Variants in WDR7 observed in about 807,000 individuals in gnomAD.
WDR7 encodes WD repeat-containing protein 7.
WDR7 carries 46 observed loss-of-function variants against 169.4 expected under a neutral mutation model. That is an observed-to-expected ratio of 0.27 (90% CI 0.21 to 0.35). WDR7 has a LOEUF of 0.35. Among genes scored for constraint, WDR7 ranks in the 10% least tolerant of loss-of-function variants. The pLI is 1.00. For synonymous variants in WDR7, 612 were observed against 666.8 expected (o/e 0.92, Z 1.27); for missense variants, 1,534 against 1,859.3 (o/e 0.83, Z 3.22).
At chr18:56,877,274 G>C (rs565470818) in intron 20 of WDR7, among the ~76,000 whole-genome samples, 1 of 151,950 alleles carries the variant, frequency 6.6e-6, no homozygotes, top group Non-Finnish European at 1.5e-5. Context: ...AATGACTCAA[G>C]AAGAAGAAAG....
intron 20 of WDR7, among the ~76,000 whole-genome samples, chr18:56,847,352 G>A (rs1276373260): frequency 1.3e-5 from 2 of 152,208 alleles, no homozygotes; most frequent in African/African-American, 4.8e-5. Context: ...CTAACAGCCT[G>A]TGATTAGATT....
chr18:56,903,811 T>A (rs147647076), intron 21 of WDR7, among the ~76,000 whole-genome samples: 55 of 152,310 alleles, frequency 3.6e-4, no homozygotes, highest in African/African-American at 1.2e-3. Context: ...GCCATCTCAC[T>A]GGTGATAAGC....
chr18:56,925,918 C>T (rs995059093), intron 22 of WDR7, among the ~76,000 whole-genome samples: 1 of 152,110 alleles, frequency 6.6e-6, no homozygotes, highest in Non-Finnish European at 1.5e-5. Flanking sequence ...CAAGTTGGGG[C>T]TAATTAAAGT....
At chr18:56,713,796 A>C (rs1052171571) in intron 12 of WDR7, among the ~76,000 whole-genome samples, 1 of 152,206 alleles carries the variant, frequency 6.6e-6, no homozygotes, top group Non-Finnish European at 1.5e-5. Flanking sequence ...AATTTAACTC[A>C]TTTGTGAAGA....
intron 23 of WDR7, among the ~76,000 whole-genome samples, chr18:56,936,516 T>TTTA (rs1445967474): frequency 6.6e-6 from 1 of 152,196 alleles, no homozygotes; most frequent in Non-Finnish European, 1.5e-5. Flanking sequence ...TTTTTAAAGG[T>TTTA]TTATTCCATT....
intron 16 of WDR7, 99 bp from the exon 17 acceptor site, chr18:56,776,683 C>A: frequency 2.1e-6 from 2 of 951,160 alleles, no homozygotes; most frequent in Non-Finnish European, 3.4e-6. Context: ...CTCTGTTTTG[C>A]CTACTTTGTT....
chr18:56,930,829 C>A (rs537202775), intron 22 of WDR7, among the ~76,000 whole-genome samples: 10 of 152,242 alleles, frequency 6.6e-5, no homozygotes, highest in Admixed American at 3.9e-4. Context: ...TCTCCTCCAC[C>A]GGCCCCCCTG....
At chr18:56,890,809 C>G (rs1026863652) in intron 21 of WDR7, 1 of 152,212 alleles carries the variant, frequency 6.6e-6, no homozygotes, top group South Asian at 2.1e-4. Context: ...CTTACCACCA[C>G]CTCTCACTTG....
intron 21 of WDR7, among the ~76,000 whole-genome samples, chr18:56,921,535 C>T (rs6566845): frequency 6.6e-6 from 1 of 152,016 alleles, no homozygotes; most frequent in African/African-American, 2.4e-5. Context: ...AGAAGGGATG[C>T]TGGTGCTCTA....
At chr18:57,035,278 A>T in the WDR7 span, 1 of 152,342 alleles carries the variant, frequency 6.6e-6, no homozygotes, top group Non-Finnish European at 1.5e-5. Flanking sequence ...CTGAAATGGG[A>T]CTGGATTTAG....
chr18:56,845,829 GAAAC>G (rs1050699814), intron 20 of WDR7, among the ~76,000 whole-genome samples: 1 of 152,022 alleles, frequency 6.6e-6, no homozygotes, highest in South Asian at 2.1e-4. Context: ...AATCGACAAA[GAAAC>G]AATTGTTTTA....
intron 20 of WDR7, among the ~76,000 whole-genome samples, chr18:56,848,832 C>G (rs1046011074): frequency 2.0e-5 from 3 of 152,142 alleles, no homozygotes; most frequent in African/African-American, 7.2e-5. Flanking sequence ...CCCCAAAAGC[C>G]AAGAAGATGC....
At chr18:56,874,612 CAAAATTCAACAAATTAAG>C (rs1168316135) in intron 20 of WDR7, among the ~76,000 whole-genome samples, 2 of 151,976 alleles carry the variant, frequency 1.3e-5, no homozygotes, top group African/African-American at 4.8e-5. Context: ...ATATCCTATA[CAAAATTCAACAAATTAAG>C]AAAATGTTTC....
chr18:56,942,212 C>T (rs1017317615), intron 25 of WDR7, among the ~76,000 whole-genome samples: 6 of 152,066 alleles, frequency 3.9e-5, no homozygotes, highest in Non-Finnish European at 7.4e-5. Flanking sequence ...GGGTGGGACC[C>T]CAGATGCACA....
intron 10 of WDR7, 24 bp downstream of exon 10, chr18:56,694,784 A>G: frequency 6.3e-7 from 1 of 1,585,626 alleles, no homozygotes; most frequent in Non-Finnish European, 8.6e-7. Flanking sequence ...ATGTGTAACA[A>G]TTTCTTAATT....
chr18:56,720,241 GTT>G (rs2026290806), intron 13 of WDR7, among the ~76,000 whole-genome samples: 1 of 152,054 alleles, frequency 6.6e-6, no homozygotes, highest in African/African-American at 2.4e-5. Context: ...GAGCCAAGGA[GTT>G]TGAGACCAGC....
chr18:56,732,875 A>G (rs146318157), intron 14 of WDR7, among the ~76,000 whole-genome samples: 6 of 152,324 alleles, frequency 3.9e-5, no homozygotes, highest in African/African-American at 1.2e-4. Flanking sequence ...ATAAAACAAT[A>G]TGTTTAAGAG....
At chr18:56,810,810 C>T (rs1197065354) in intron 19 of WDR7, among the ~76,000 whole-genome samples, 1 of 152,108 alleles carries the variant, frequency 6.6e-6, no homozygotes, top group Non-Finnish European at 1.5e-5. Flanking sequence ...ATATTAAATT[C>T]AACCTTGAAA....
chr18:56,656,583 A>ATTTTT (rs10648827), intron 1 of WDR7, among the ~76,000 whole-genome samples: 8 of 146,138 alleles, frequency 5.5e-5, no homozygotes, highest in African/African-American at 2.0e-4. Flanking sequence ...CCCGGCCACT[A>ATTTTT]TTTTTTTTTT....
Sources: gnomAD v4.1 joint callset for allele counts (sites outside exome capture counted in the v4.1 genomes callset) on GRCh38, gnomAD v4.1.1 for gene constraint, MANE v1.5 for transcripts, NCBI Gene and HGNC (gene_info 2026-07-23, HGNC 2026-07-21) for gene names.